BLTP1: variants seen among roughly 807,000 people sequenced by gnomAD.
BLTP1 encodes bridge-like lipid transfer protein family member 1.
At chr4:122,214,574 A>G in the BLTP1 span, 5 of 782,834 alleles carry the variant, frequency 6.4e-6, no homozygotes, top group African/African-American at 6.2e-5. Context: ...CTTACATTTG[A>G]TCAACCTTTT....
the BLTP1 span, chr4:122,279,974 T>C: frequency 6.2e-7 from 1 of 1,614,056 alleles, no homozygotes; most frequent in Admixed American, 1.7e-5. Flanking sequence ...CAGACAGCCT[T>C]CTACAGCGTA....
At chr4:122,266,467 G>T in the BLTP1 span, among the ~76,000 whole-genome samples, 1 of 151,988 alleles carries the variant, frequency 6.6e-6, no homozygotes, top group Non-Finnish European at 1.5e-5. Flanking sequence ...TGTTTTAAAA[G>T]CAAGAGGTAG....
the BLTP1 span, among the ~76,000 whole-genome samples, chr4:122,332,777 C>T: frequency 6.7e-5 from 8 of 119,798 alleles, no homozygotes; most frequent in Admixed American, 7.0e-4. Context: ...GCTATCCCTC[C>T]CCCCTCCCCC....
chr4:122,184,582 G>A, the BLTP1 span: 2 of 432,966 alleles, frequency 4.6e-6, no homozygotes, highest in East Asian at 3.2e-4. Flanking sequence ...CCAGGTTGCA[G>A]TGAGCTGAGA....
the BLTP1 span, chr4:122,331,348 A>G: frequency 1.2e-6 from 2 of 1,611,096 alleles, no homozygotes; most frequent in South Asian, 2.2e-5. Context: ...TAAAAAAGCA[A>G]CAGGCTTTGC....
the BLTP1 span, chr4:122,189,140 T>C: frequency 1.1e-6 from 1 of 878,498 alleles, no homozygotes; most frequent in Non-Finnish European, 1.4e-6. Flanking sequence ...ATTAATAATT[T>C]GTATAAAAAG....
the BLTP1 span, chr4:122,188,208 C>G: frequency 8.6e-7 from 1 of 1,156,086 alleles, no homozygotes; most frequent in Non-Finnish European, 1.1e-6. Context: ...GTATATTTCT[C>G]TATTAAAGCA....
the BLTP1 span, chr4:122,325,541 A>C: frequency 3.3e-6 from 4 of 1,226,446 alleles, no homozygotes; most frequent in African/African-American, 1.6e-5. Context: ...TTACATGCAC[A>C]ATAAAGGCTC....
chr4:122,343,797 T>G, the BLTP1 span: 11 of 447,056 alleles, frequency 2.5e-5, no homozygotes, highest in Non-Finnish European at 3.0e-5. Context: ...GGTGAATTAA[T>G]TATACAAGAA....
chr4:122,254,031 A>G, the BLTP1 span: 1 of 181,998 alleles, frequency 5.5e-6, no homozygotes, highest in Non-Finnish European at 1.1e-5. Flanking sequence ...CACTTTTAAA[A>G]GAATAGTATA....
At chr4:122,305,930 A>G in the BLTP1 span, 1 of 1,610,678 alleles carries the variant, frequency 6.2e-7, no homozygotes, top group Non-Finnish European at 8.5e-7. Flanking sequence ...TTAAAACCAG[A>G]ATTGGATTAA....
At chr4:122,295,943 T>C in the BLTP1 span, among the ~76,000 whole-genome samples, 2 of 152,128 alleles carry the variant, frequency 1.3e-5, no homozygotes, top group African/African-American at 4.8e-5. Context: ...CTCAAAATAA[T>C]AAGATATATA....
the BLTP1 span, chr4:122,270,980 A>C: frequency 6.6e-7 from 1 of 1,523,384 alleles, no homozygotes; most frequent in Non-Finnish European, 8.8e-7. Flanking sequence ...GGAAAAATGG[A>C]AGAAAAACCG....
At chr4:122,347,800 A>G in the BLTP1 span, 3 of 1,571,578 alleles carry the variant, frequency 1.9e-6, no homozygotes, top group Admixed American at 1.7e-5. Flanking sequence ...TCTTTTTGTT[A>G]TCAGTAGCCC....
the BLTP1 span, among the ~76,000 whole-genome samples, chr4:122,319,539 ATTT>A: frequency 7.5e-4 from 99 of 131,628 alleles, no homozygotes; most frequent in Middle Eastern, 7.7e-3. Context: ...ATGATTTATA[ATTT>A]TTTTTTTTTT....
the BLTP1 span, chr4:122,197,071 G>T: frequency 9.7e-6 from 6 of 619,642 alleles, no homozygotes; most frequent in Non-Finnish European, 1.5e-5. Flanking sequence ...TTGAACTTTT[G>T]TTCTTAGGAA....
At chr4:122,202,863 T>C in the BLTP1 span, among the ~76,000 whole-genome samples, 1 of 152,040 alleles carries the variant, frequency 6.6e-6, no homozygotes, top group Non-Finnish European at 1.5e-5. Context: ...ATTTTTATGC[T>C]TTCTCTATTG....
the BLTP1 span, chr4:122,229,309 T>C: frequency 8.0e-7 from 1 of 1,255,766 alleles, no homozygotes; most frequent in Non-Finnish European, 1.1e-6. Flanking sequence ...TTTCTTGAAA[T>C]AAAACACACA....
At chr4:122,344,163 G>A in the BLTP1 span, 1 of 396,598 alleles carries the variant, frequency 2.5e-6, no homozygotes, top group Non-Finnish European at 3.4e-6. Flanking sequence ...TGTTGGAGAA[G>A]GGTTGTAAAA....
Sources: gnomAD v4.1 joint callset for allele counts (sites outside exome capture counted in the v4.1 genomes callset) on GRCh38, gnomAD v4.1.1 for gene constraint, MANE v1.5 for transcripts, NCBI Gene and HGNC (gene_info 2026-07-23, HGNC 2026-07-21) for gene names.